RBM39: variants seen among roughly 807,000 people sequenced by gnomAD.
RBM39 encodes RNA-binding protein 39.
RBM39 carries 12 observed loss-of-function variants against 79.6 expected under a neutral mutation model. That is an observed-to-expected ratio of 0.15 (90% CI 0.10 to 0.24). The LOEUF (loss-of-function observed/expected upper bound fraction) is 0.24. Among genes scored for constraint, RBM39 ranks in the 10% least tolerant of loss-of-function variants. The pLI is 1.00. For missense variants in RBM39, 243 were observed against 653.4 expected (o/e 0.37, Z 6.85); for synonymous variants, 185 against 208.4 (o/e 0.89, Z 0.97).
At chr20:35,713,134 G>A (rs756151373) in intron 11 of RBM39, 38 bp from the exon 12 acceptor site, 1 of 1,557,140 alleles carries the variant, frequency 6.4e-7, no homozygotes, top group Non-Finnish European at 8.7e-7. Context: ...ACTATGTTGA[G>A]AGCAGAGAAA....
At chr20:35,733,626 A>G (rs1321665566) in intron 3 of RBM39, among the ~76,000 whole-genome samples, 1 of 152,070 alleles carries the variant, frequency 6.6e-6, no homozygotes, top group Admixed American at 6.6e-5. Context: ...AGAAAAAGAA[A>G]AAGAACTAAC....
At chr20:35,719,857 A>ACTGCAATCT (rs2037684846) in intron 9 of RBM39, among the ~76,000 whole-genome samples, 1 of 151,810 alleles carries the variant, frequency 6.6e-6, no homozygotes, top group African/African-American at 2.4e-5. Flanking sequence ...ATCTCGGCTC[A>ACTGCAATCT]CTGCAATCTC....
Position 35,714,309 on chromosome 20 carries a change from A to T in RBM39, c.972T>A (p.Gly324=). ...AAGCATCAGTACGTTCAGTAACATG[A>T]CCAACTTTCATTGGTCTTCCTGCTA... ...FELAGRPMKV[G]HVTERTDASS... Residue 324 remains glycine (G), a synonymous_variant, in exon 11 of 17, where the codon GGT becomes GGA. Coordinates refer to ENST00000253363, the MANE Select transcript of RBM39 (RefSeq NM_184234.3). 2 of 1,614,150 alleles carry T rather than the reference A, an allele frequency of 1.2e-6. No individual in the cohort carries two copies. The highest frequency in any genetic ancestry group is 4.5e-5 in the East Asian group (2 of 44,880).
Position 35,725,195 on chromosome 20 carries a change from AT to A in RBM39, c.417-41del, listed in dbSNP as rs749441828. 7.0e-6 allele frequency: 9 copies of A among 1,280,228 alleles called. No homozygotes were observed. The East Asian group carries it at 1.7e-4, about 25-fold the overall frequency. The allele number at this position is 1,280,228 out of a possible 1,614,324, so 79.3% of individuals were successfully genotyped here. ...ACATATAAAATTAATTTCATAACAG[AT>A]TTTAAAATAATTTTTATCTTTTTTA... On this transcript the variant is annotated intron_variant, in intron 6 of 16. Transcript: ENST00000253363.
At chr20:35,726,805 C>A (rs944606822) in intron 6 of RBM39, among the ~76,000 whole-genome samples, 6 of 152,040 alleles carry the variant, frequency 3.9e-5, no homozygotes, top group African/African-American at 1.4e-4. Context: ...GGTGGTCGCT[C>A]CACCTGTAAG....
At chr20:35,741,617 G>C (rs368086495) in intron 1 of RBM39, 1 of 152,210 alleles carries the variant, frequency 6.6e-6, no homozygotes, top group African/African-American at 2.4e-5. Flanking sequence ...GCCATTTTAG[G>C]GGCAAAGAGA....
At chr20:35,727,899 T>TC (rs1185878124) in intron 6 of RBM39, among the ~76,000 whole-genome samples, 1 of 152,118 alleles carries the variant, frequency 6.6e-6, no homozygotes, top group Non-Finnish European at 1.5e-5. Context: ...TCCGCCTGCC[T>TC]CGGCCTTCCA....
At chr20:35,705,179 T>G (rs760985034) in intron 15 of RBM39, 46 bp downstream of exon 15, 1 of 1,134,524 alleles carries the variant, frequency 8.8e-7, no homozygotes, top group East Asian at 2.5e-5. Flanking sequence ...AAGATTAAGG[T>G]AGAGACGAAC....
At chr20:35,740,485 T>G (rs1295646115) in intron 2 of RBM39, 3 of 1,202,606 alleles carry the variant, frequency 2.5e-6, no homozygotes, top group Non-Finnish European at 3.4e-6. Flanking sequence ...TCATTTTACC[T>G]AGGGGACCAC....
chr20:35,736,667 T>C, intron 3 of RBM39: 3 of 452,064 alleles, frequency 6.6e-6, no homozygotes, highest in Non-Finnish European at 1.4e-5. Flanking sequence ...TTTATGTTTG[T>C]TTGAGACGGA....
intron 13 of RBM39, chr20:35,708,072 A>T (rs2035964590): frequency 1.4e-5 from 4 of 281,124 alleles, no homozygotes; most frequent in African/African-American, 9.4e-5. Flanking sequence ...TTACACCGAG[A>T]AATTAGGGCT....
intron 3 of RBM39, chr20:35,736,411 C>T (rs1054594045): frequency 3.2e-6 from 1 of 311,038 alleles, no homozygotes; most frequent in African/African-American, 2.2e-5. Context: ...TCCATTACCA[C>T]ATTATTTTAG....
rs757205055 is a variant in RBM39, at chr20:35,725,139, A to G, written c.433T>C (p.Leu145=). 2 of 1,605,108 alleles carry G rather than the reference A, an allele frequency of 1.2e-6. No individual in the cohort carries two copies. The highest frequency in any genetic ancestry group is 1.1e-5 in the South Asian group (1 of 90,080). Reference sequence around the variant, plus strand: ...CTTGCATCTCTTTCCTCAGGAGTTAAATTATCAATAGGTTCTCTAATAGGA... The same window carrying G: ...CTTGCATCTCTTTCCTCAGGAGTTAGATTATCAATAGGTTCTCTAATAGGA... ...KSPVREPIDN[L]TPEERDARTV... is the part of the protein sequence containing the mutation. The change falls in exon 7 of 17, where the codon TTA becomes CTA. Residue 145 remains leucine (L), a synonymous_variant. Transcript: ENST00000253363.
At chr20:35,736,368 G>A (rs1489414665) in intron 3 of RBM39, 2 of 289,522 alleles carry the variant, frequency 6.9e-6, no homozygotes, top group Non-Finnish European at 1.4e-5. Context: ...CAGAAAAAAG[G>A]AGCACATTTT....
chr20:35,727,628 AC>A (rs1479190267), intron 6 of RBM39, among the ~76,000 whole-genome samples: 7 of 149,424 alleles, frequency 4.7e-5, no homozygotes, highest in South Asian at 2.1e-4. Flanking sequence ...GGTGCACACC[AC>A]CATGCCCAGC....
intron 9 of RBM39, among the ~76,000 whole-genome samples, chr20:35,718,530 G>A (rs2037464650): frequency 6.6e-6 from 1 of 151,936 alleles, no homozygotes; most frequent in Non-Finnish European, 1.5e-5. Flanking sequence ...CAAAAAAGTA[G>A]GTTGGGCTCC....
At position 35,704,484 on chromosome 20, in the gene RBM39, T is replaced by C. The variant is rs2146466099; in HGVS notation, c.1590A>G (p.Arg530=). The C allele has an allele frequency of 6.2e-7, 1 of 1,602,108 alleles. No individual in the cohort carries two copies. The change falls in exon 17 of 17, where the codon CGA becomes CGG. Residue 530 remains arginine, a synonymous_variant. Coordinates refer to ENST00000253363, the MANE Select transcript of RBM39 (RefSeq NM_184234.3). Reference sequence around the variant, plus strand: ...ACATAAGGGACTATATCTTCCTTCATCGTCTACTTGGAACCAGTAGCTGTG... The same window carrying C: ...ACATAAGGGACTATATCTTCCTTCACCGTCTACTTGGAACCAGTAGCTGTG... ...TATQLLVPSR[R]
At chr20:35,735,166 T>G in intron 3 of RBM39, 4 of 1,380,236 alleles carry the variant, frequency 2.9e-6, no homozygotes, top group Middle Eastern at 2.5e-4. Flanking sequence ...ATATTTCAAC[T>G]GTGTCATTTT....
chr20:35,709,504 C>T (rs549562287), intron 12 of RBM39, among the ~76,000 whole-genome samples: 1 of 152,190 alleles, frequency 6.6e-6, no homozygotes, highest in Admixed American at 6.5e-5. Flanking sequence ...GACTACTCTT[C>T]CACATCTCAA....
Sources: gnomAD v4.1 joint callset for allele counts (sites outside exome capture counted in the v4.1 genomes callset) on GRCh38, gnomAD v4.1.1 for gene constraint, MANE v1.5 for transcripts, NCBI Gene and HGNC (gene_info 2026-07-23, HGNC 2026-07-21) for gene names.